ADD3: variants seen among roughly 807,000 people sequenced by gnomAD.
ADD3 encodes adducin 3.
ADD3 carries 25 observed loss-of-function variants against 80.2 expected under a neutral mutation model. The observed-to-expected ratio is 0.31, with a 90% CI of 0.23 to 0.44. The LOEUF (loss-of-function observed/expected upper bound fraction) is 0.44, where lower values mean the gene tolerates loss of function less well. Ranked by LOEUF, ADD3 falls within the 20% of genes least tolerant of loss-of-function variation. The pLI, the probability that ADD3 is intolerant of heterozygous loss-of-function variation, is 1.00. For missense variants in ADD3, 829 were observed against 847.5 expected, an observed-to-expected ratio of 0.98 and a Z score of 0.27; for synonymous variants, 284 against 289.6, an observed-to-expected ratio of 0.98 and a Z score of 0.20.
intron 1 of ADD3, among the ~76,000 whole-genome samples, chr10:110,064,819 T>C (rs1359858643): frequency 1.3e-5 from 2 of 152,212 alleles, no homozygotes; most frequent in Non-Finnish European, 2.9e-5. Flanking sequence ...GCATTTGTTA[T>C]TGCTATTTTT....
At chr10:110,067,380 A>G (rs1327263481) in intron 1 of ADD3, among the ~76,000 whole-genome samples, 1 of 152,222 alleles carries the variant, frequency 6.6e-6, no homozygotes, top group African/African-American at 2.4e-5. Context: ...TATAAACTTT[A>G]AAGCAACTTC....
At chr10:110,065,548 T>TTTTTTTTTTTTTTTTTTTTTTTTC (rs1843836420) in intron 1 of ADD3, among the ~76,000 whole-genome samples, 1 of 102,590 alleles carries the variant, frequency 9.7e-6, no homozygotes, top group Non-Finnish European at 2.3e-5. Context: ...CCTTTTTTTT[T>TTTTTTTTTTTTTTTTTTTTTTTTC]TTTTTTTTTG....
intron 3 of ADD3, among the ~76,000 whole-genome samples, chr10:110,115,343 C>T (rs576846703): frequency 6.6e-6 from 1 of 152,104 alleles, no homozygotes; most frequent in Non-Finnish European, 1.5e-5. Flanking sequence ...GAGCCGAGAT[C>T]GTACCATTGC....
chr10:110,092,399 A>G (rs1847644557), intron 1 of ADD3, among the ~76,000 whole-genome samples: 1 of 152,226 alleles, frequency 6.6e-6, no homozygotes, highest in African/African-American at 2.4e-5. Context: ...TAAAAAAAAC[A>G]TGAAATCATG....
chr10:110,019,358 T>C (rs973066538), intron 1 of ADD3, among the ~76,000 whole-genome samples: 13 of 112,856 alleles, frequency 1.2e-4, no homozygotes, highest in African/African-American at 9.1e-4. Flanking sequence ...TTCTGTTTGC[T>C]TTTTTTTTTT....
At position 110,083,570 on chromosome 10, in the gene ADD3, A is replaced by G. The variant is rs79629704; in HGVS notation, c.-29-17055A>G. ...ATGGTGAGCAAAGCAACAATCGGGG[A>G]TGGCTTTTTTTTAGGAAGAGTCATT... is the stretch of plus-strand genomic sequence containing the variant. On this transcript the variant is annotated intron_variant, in intron 1 of 14. Transcript: ENST00000356080. Among the ~76,000 whole-genome samples, 1,227 of 152,056 alleles carry G rather than the reference A, an allele frequency of 8.1e-3. 5 individuals are homozygous for G. The highest frequency in any genetic ancestry group is 0.034 in the Middle Eastern group (10 of 292).
intron 1 of ADD3, among the ~76,000 whole-genome samples, chr10:110,051,953 C>G (rs1279601608): frequency 6.6e-6 from 1 of 152,162 alleles, no homozygotes; most frequent in African/African-American, 2.4e-5. Context: ...AGGCCCACGC[C>G]ATCATGGCTA....
intron 1 of ADD3, among the ~76,000 whole-genome samples, chr10:110,000,651 C>A (rs1284507597): frequency 6.6e-6 from 1 of 152,220 alleles, no homozygotes; most frequent in East Asian, 1.9e-4. Flanking sequence ...AATCTAAGCA[C>A]TTAGAGAATG....
upstream of ADD3, chr10:110,005,667 CA>C (rs1490134339): frequency 1.3e-5 from 2 of 152,172 alleles, no homozygotes; most frequent in Non-Finnish European, 2.9e-5. Context: ...GCCATTACCC[CA>C]ATGTTTGAAA....
intron 1 of ADD3, among the ~76,000 whole-genome samples, chr10:110,072,908 T>TAA (rs1330807967): frequency 6.6e-6 from 1 of 152,162 alleles, no homozygotes; most frequent in Admixed American, 6.5e-5. Flanking sequence ...ACACAACTCT[T>TAA]ACACCTTGGC....
At chr10:110,004,010 G>A (rs1341182280), upstream of ADD3, among the ~76,000 whole-genome samples, 2 of 152,138 alleles carry the variant, frequency 1.3e-5, no homozygotes, top group Non-Finnish European at 2.9e-5. Context: ...TTATATAAGA[G>A]ACTGTGCTGA....
At chr10:110,036,124 G>A (rs1293862086) in intron 1 of ADD3, among the ~76,000 whole-genome samples, 3 of 151,952 alleles carry the variant, frequency 2.0e-5, no homozygotes, top group African/African-American at 4.8e-5. Context: ...GCACTCCAGC[G>A]TGGGCAACAG....
intron 1 of ADD3, among the ~76,000 whole-genome samples, chr10:110,011,459 C>T (rs184384399): frequency 5.3e-5 from 8 of 152,216 alleles, no homozygotes; most frequent in Non-Finnish European, 1.0e-4. Flanking sequence ...CATTTGACAA[C>T]TTAGTGCAAT....
At chr10:110,070,778 T>A (rs1185153294) in intron 1 of ADD3, among the ~76,000 whole-genome samples, 2 of 152,000 alleles carry the variant, frequency 1.3e-5, no homozygotes, top group Non-Finnish European at 2.9e-5. Context: ...CAAACTTGTC[T>A]CTCGCCCTGT....
chr10:110,010,970 A>G (rs1852266126), intron 1 of ADD3, among the ~76,000 whole-genome samples: 1 of 152,260 alleles, frequency 6.6e-6, no homozygotes, highest in Non-Finnish European at 1.5e-5. Flanking sequence ...CGCATTAAAT[A>G]CAGTCACCTT....
Position 110,128,501 on chromosome 10 carries a change from C to T in ADD3, c.1609-1862C>T, listed in dbSNP as rs565557538. 3.6e-4 allele frequency among the ~76,000 whole-genome samples: 55 copies of T among 152,154 alleles called. No homozygotes were observed. In the South Asian group the frequency reaches 9.6e-3, roughly 26 times the overall value. The stretch of plus-strand genomic sequence containing the variant: ...CGCGATCTTGGCTCACTGCAAGCTC[C>T]GCCTTCCTGGGTGCACGCCATTCTC... On this transcript the variant is annotated intron_variant, in intron 12 of 14. Coordinates refer to ENST00000356080, the MANE Select transcript of ADD3 (RefSeq NM_016824.5).
At chr10:110,091,893 C>G (rs577972289) in intron 1 of ADD3, among the ~76,000 whole-genome samples, 3 of 152,106 alleles carry the variant, frequency 2.0e-5, no homozygotes, top group African/African-American at 7.2e-5. Flanking sequence ...CTTAACCCAA[C>G]AGGTAAACAA....
intron 1 of ADD3, among the ~76,000 whole-genome samples, chr10:110,050,323 A>C (rs1429242974): frequency 1.3e-5 from 2 of 151,990 alleles, no homozygotes; most frequent in African/African-American, 4.8e-5. Flanking sequence ...TCATGGGGGC[A>C]GTTTCCTCCA....
chr10:110,062,111 C>G (rs1256133046), intron 1 of ADD3, among the ~76,000 whole-genome samples: 1 of 140,526 alleles, frequency 7.1e-6, no homozygotes, highest in Non-Finnish European at 1.5e-5. Flanking sequence ...GCCTGTAATC[C>G]CAGCACTTTG....
Sources: gnomAD v4.1 joint callset for allele counts (sites outside exome capture counted in the v4.1 genomes callset) on GRCh38, gnomAD v4.1.1 for gene constraint, MANE v1.5 for transcripts, NCBI Gene and HGNC (gene_info 2026-07-23, HGNC 2026-07-21) for gene names.